Variants in GPM6A observed in about 807,000 individuals in gnomAD.
The protein encoded by GPM6A is glycoprotein M6A.
Under a neutral mutation model 32.1 loss-of-function variants are expected in GPM6A, and 7 were observed. The ratio of observed to expected loss-of-function variants is 0.22; its 90% CI spans 0.12 to 0.41. GPM6A has a LOEUF of 0.41. Ranked by LOEUF, GPM6A falls within the 10% of genes least tolerant of loss-of-function variation. The pLI, the probability that GPM6A is intolerant of heterozygous loss-of-function variation, is 1.00. For synonymous variants in GPM6A, 130 were observed against 123.4 expected (o/e 1.05, Z -0.35); for missense variants, 235 against 347.2 (o/e 0.68, Z 2.57).
chr4:175,892,638 C>G (rs1216883618), intron 1 of GPM6A, among the ~76,000 whole-genome samples: 1 of 152,202 alleles, frequency 6.6e-6, no homozygotes, highest in East Asian at 1.9e-4. Context: ...ACAGCTGTCT[C>G]TTCCTCCCAT....
chr4:175,864,243 T>C (rs1206020567), intron 1 of GPM6A, among the ~76,000 whole-genome samples: 1 of 152,218 alleles, frequency 6.6e-6, no homozygotes, highest in African/African-American at 2.4e-5. Flanking sequence ...AATGGCTCAC[T>C]GCAGCCTTGA....
At chr4:175,902,914 A>C (rs1738012474) in intron 1 of GPM6A, among the ~76,000 whole-genome samples, 1 of 152,126 alleles carries the variant, frequency 6.6e-6, no homozygotes. Flanking sequence ...CATTTTTATA[A>C]AGCTCTAGAA....
chr4:175,821,809 T>A (rs568802431), intron 1 of GPM6A, among the ~76,000 whole-genome samples: 2 of 152,240 alleles, frequency 1.3e-5, no homozygotes, highest in African/African-American at 4.8e-5. Flanking sequence ...GCAAATTTGC[T>A]AAACTCTCCT....
chr4:175,817,632 G>A (rs1735148314), intron 1 of GPM6A, among the ~76,000 whole-genome samples: 1 of 67,562 alleles, frequency 1.5e-5, no homozygotes, highest in Non-Finnish European at 4.0e-5. Flanking sequence ...CAAAGGAGAT[G>A]AAATTAGATG....
intron 4 of GPM6A, among the ~76,000 whole-genome samples, chr4:175,643,100 C>T (rs1439508209): frequency 6.6e-6 from 1 of 152,058 alleles, no homozygotes; most frequent in Non-Finnish European, 1.5e-5. Context: ...CATAATCAGA[C>T]CGATTCTTCC....
chr4:175,996,926 A>T (rs1741326166), intron 1 of GPM6A, among the ~76,000 whole-genome samples: 1 of 152,088 alleles, frequency 6.6e-6, no homozygotes, highest in Non-Finnish European at 1.5e-5. Context: ...ATGCTAGATC[A>T]TAAGAATCTT....
intron 1 of GPM6A, among the ~76,000 whole-genome samples, chr4:175,949,061 C>T (rs1233948442): frequency 6.6e-6 from 1 of 151,264 alleles, no homozygotes; most frequent in Non-Finnish European, 1.5e-5. Context: ...AATTCCCTTC[C>T]ATGCAACTAA....
At chr4:175,949,316 T>A (rs77336463) in intron 1 of GPM6A, among the ~76,000 whole-genome samples, 9,084 of 152,106 alleles carry the variant, frequency 0.06, 857 homozygotes, top group African/African-American at 0.2. Context: ...TGTTGTTGTT[T>A]TTGGTGGTGG....
chr4:175,737,461 T>G (rs1457790949), intron 1 of GPM6A, among the ~76,000 whole-genome samples: 2 of 151,670 alleles, frequency 1.3e-5, no homozygotes, highest in East Asian at 1.9e-4. Flanking sequence ...GAGCCGAGAT[T>G]GTGCCATTGC....
At chr4:175,862,797 G>C (rs1037937167) in intron 1 of GPM6A, among the ~76,000 whole-genome samples, 2 of 151,756 alleles carry the variant, frequency 1.3e-5, no homozygotes, top group East Asian at 3.9e-4. Flanking sequence ...GGTATATCCA[G>C]TGAATATTTC....
At chr4:175,737,287 T>C (rs184712229) in intron 1 of GPM6A, among the ~76,000 whole-genome samples, 1 of 152,264 alleles carries the variant, frequency 6.6e-6, no homozygotes, top group East Asian at 1.9e-4. Flanking sequence ...CTGCAGGTCG[T>C]ACAATCCTGT....
chr4:175,923,444 T>C (rs1013457329), intron 1 of GPM6A, among the ~76,000 whole-genome samples: 1 of 150,850 alleles, frequency 6.6e-6, no homozygotes, highest in Non-Finnish European at 1.5e-5. Flanking sequence ...CATCAGCAGA[T>C]GAAGTGTGAG....
intron 3 of GPM6A, among the ~76,000 whole-genome samples, chr4:175,663,072 T>G (rs1364286436): frequency 1.3e-5 from 2 of 152,150 alleles, no homozygotes; most frequent in African/African-American, 2.4e-5. Context: ...AGCGCAAAAC[T>G]AATTACAATG....
chr4:175,749,837 G>A (rs966518070), intron 1 of GPM6A, among the ~76,000 whole-genome samples: 5 of 152,224 alleles, frequency 3.3e-5, no homozygotes, highest in Admixed American at 2.6e-4. Flanking sequence ...CCCCACAACT[G>A]ATAGGCCAGC....
chr4:175,899,672 A>G (rs1737891891), intron 1 of GPM6A, among the ~76,000 whole-genome samples: 1 of 152,160 alleles, frequency 6.6e-6, no homozygotes, highest in Admixed American at 6.6e-5. Flanking sequence ...ATGCGTATGC[A>G]GAAGAATGAA....
At chr4:175,859,617 T>A (rs1386277126) in intron 1 of GPM6A, among the ~76,000 whole-genome samples, 2 of 152,116 alleles carry the variant, frequency 1.3e-5, no homozygotes, top group Non-Finnish European at 1.5e-5. Context: ...AAGAGCCAAA[T>A]GAACCCAGAG....
intron 1 of GPM6A, among the ~76,000 whole-genome samples, chr4:175,847,001 G>A (rs771911024): frequency 6.6e-6 from 1 of 152,082 alleles, no homozygotes; most frequent in African/African-American, 2.4e-5. Context: ...ATAAGTAAGA[G>A]CCAAGAATCA....
chr4:175,976,811 C>T (rs967240234), intron 1 of GPM6A, among the ~76,000 whole-genome samples: 1 of 152,132 alleles, frequency 6.6e-6, no homozygotes. Context: ...AGAGAAATGA[C>T]AGCAGAGAAC....
chr4:175,941,561 G>A (rs889408236), intron 1 of GPM6A, among the ~76,000 whole-genome samples: 10 of 152,102 alleles, frequency 6.6e-5, no homozygotes, highest in African/African-American at 2.4e-4. Flanking sequence ...TCCCGCAACA[G>A]GCCCTGGTGT....
Sources: gnomAD v4.1 joint callset for allele counts (sites outside exome capture counted in the v4.1 genomes callset) on GRCh38, gnomAD v4.1.1 for gene constraint, MANE v1.5 for transcripts, NCBI Gene and HGNC (gene_info 2026-07-23, HGNC 2026-07-21) for gene names.